The following CLPTM1L variants were observed in gnomAD, a reference collection of about 807,000 sequenced individuals.
CLPTM1L encodes CLPTM1 like.
In CLPTM1L, 38 loss-of-function variants were observed where a neutral mutation model predicts 70.9. That is an observed-to-expected ratio of 0.54 (90% CI 0.41 to 0.70). CLPTM1L has a LOEUF of 0.70. Among genes scored for constraint, CLPTM1L ranks in the 30% least tolerant of loss-of-function variants. The probability of loss-of-function intolerance (pLI) is 0.00; values close to 1 mark genes in which losing one functional copy is unlikely to be tolerated. For missense variants in CLPTM1L, 652 were observed against 705.9 expected (o/e 0.92, Z 0.87); for synonymous variants, 339 against 299.9 (o/e 1.13, Z -1.35).
chr5:1,325,532 G>C (rs912383508), intron 10 of CLPTM1L: 3 of 563,784 alleles, frequency 5.3e-6, no homozygotes, highest in African/African-American at 3.7e-5. Context: ...AAGTGCTGCC[G>C]TCTGCACTGA....
At chr5:1,332,149 A>G (rs375668607) in intron 7 of CLPTM1L, 14 of 473,482 alleles carry the variant, frequency 3.0e-5, no homozygotes, top group African/African-American at 1.9e-4. Flanking sequence ...CCCCCAGGCA[A>G]TTGGAGGCTC....
At position 1,342,054 on chromosome 5, in the gene CLPTM1L, G is replaced by GCGCA. The variant is rs1323339413; in HGVS notation, c.264-195_264-194insTGCG. Among the ~76,000 whole-genome samples, 511 of 149,682 alleles carry GCGCA rather than the reference G, an allele frequency of 3.4e-3. 3 individuals carry two copies. The highest frequency in any genetic ancestry group is 0.012 in the African/African-American group (496 of 40,980). On this transcript the variant is annotated intron_variant, in intron 2 of 16. Coordinates refer to ENST00000320895, the MANE Select transcript of CLPTM1L (RefSeq NM_030782.5). The surrounding 1 kb of genome is among the most constrained non-coding windows in gnomAD (Gnocchi z 4.3). ...TGTGTGTGTGTGCACGCGCACGCGTGCGCGTCCTGAGAACTCGGCACAGGT... is the reference window on the plus strand; with the variant it reads ...TGTGTGTGTGTGCACGCGCACGCGTGCGCACGCGTCCTGAGAACTCGGCACAGGT...
At chr5:1,343,189 CA>C (rs751176297) in intron 2 of CLPTM1L, among the ~76,000 whole-genome samples, 4,147 of 137,664 alleles carry the variant, frequency 0.03, 66 homozygotes, top group Non-Finnish European at 0.039. Flanking sequence ...GACTCTATCT[CA>C]AAAAAAAAAA....
intron 10 of CLPTM1L, 104 bp downstream of exon 10, chr5:1,325,647 C>T: frequency 1.1e-6 from 1 of 897,588 alleles, no homozygotes; most frequent in Non-Finnish European, 1.8e-6. Flanking sequence ...CTGACAGAGG[C>T]CCGCAGTGAC....
rs769044531 is a variant in CLPTM1L, at chr5:1,334,296, G to A, written c.884C>T (p.Ala295Val). 2.0e-5 allele frequency: 33 copies of A among 1,613,154 alleles called. No homozygotes were observed. The South Asian group carries it at 2.6e-4, about 13-fold the overall frequency. ...YFLALTFFVA[A>V]FHLLFDFLAF... ...CCCCGGTGGATGACTCACATGGAAC[G>A]CTGCGACAAAGAAGGTCAGCGCCAG... is the stretch of plus-strand genomic sequence containing the variant. Residue 295 changes from alanine (A) to valine (V), a missense_variant, in exon 7 of 17, where the codon GCG (alanine) becomes GTG (valine). Ala to Val is a moderately conservative substitution (Grantham distance 64, BLOSUM62 0). Around this residue, in one of 3 missense-constraint regions of CLPTM1L, gnomAD observed 402 missense variants for 388.2 expected, o/e 1.04. Transcript: ENST00000320895.
chr5:1,338,976 A>T lies in CLPTM1L; in HGVS notation c.483T>A (p.Ser161Arg). Reference protein sequence around the residue: ...QQIEAEKKPTSALDEPVSHWR... With the variant: ...QQIEAEKKPTRALDEPVSHWR... Reference sequence around the variant, plus strand: ...AGTGGGACACTGGCTCATCCAGGGCACTCGTCGGCTTCTTCTCCGCCTCGA... The same window carrying T: ...AGTGGGACACTGGCTCATCCAGGGCTCTCGTCGGCTTCTTCTCCGCCTCGA... The change falls in exon 4 of 17, where the codon AGT (serine) becomes AGA (arginine). Residue 161 changes from serine to arginine, a missense_variant. By Grantham distance (110) the Ser-to-Arg change is moderately radical (BLOSUM62 -1). Around this residue, in one of 3 missense-constraint regions of CLPTM1L, gnomAD observed 402 missense variants for 388.2 expected, o/e 1.04. Coordinates refer to ENST00000320895, the MANE Select transcript of CLPTM1L (RefSeq NM_030782.5). 6.2e-7 allele frequency: 1 copy of T among 1,613,218 alleles called. No homozygotes were observed. The highest frequency in any genetic ancestry group is 8.5e-7 in the Non-Finnish European group (1 of 1,179,924).
intron 10 of CLPTM1L, 102 bp downstream of exon 10, chr5:1,325,649 C>T (rs907373035): frequency 7.6e-6 from 7 of 920,126 alleles, no homozygotes; most frequent in Admixed American, 1.9e-5. Flanking sequence ...GACAGAGGCC[C>T]GCAGTGACTC....
At chr5:1,341,565 AAC>A in intron 3 of CLPTM1L, 104 bp downstream of exon 3, 1 of 994,104 alleles carries the variant, frequency 1.0e-6, no homozygotes, top group East Asian at 2.5e-5. Context: ...CTTTACTCCC[AAC>A]AAAGTCACTG....
At chr5:1,344,054 C>T (rs1044207530) in intron 2 of CLPTM1L, among the ~76,000 whole-genome samples, 1 of 152,230 alleles carries the variant, frequency 6.6e-6, no homozygotes, top group Non-Finnish European at 1.5e-5. Context: ...TGTCTGCTCT[C>T]CACTGGTTCA....
At position 1,323,273 on chromosome 5, in the gene CLPTM1L, T is replaced by C. The variant is rs533191409; in HGVS notation, c.1281-362A>G. On this transcript the variant is annotated intron_variant, in intron 12 of 16. Coordinates refer to ENST00000320895, the MANE Select transcript of CLPTM1L (RefSeq NM_030782.5). The stretch of plus-strand genomic sequence containing the variant: ...CTCAGCTCAGGGCCAGCACCCCACC[T>C]GGGCAGCAGAGGCTGGAGGCTCCGG... Among the ~76,000 whole-genome samples the C allele has an allele frequency of 1.0e-2, 1,412 of 141,640 alleles. 27 individuals carry two copies. The highest frequency in any genetic ancestry group is 0.014 in the Non-Finnish European group (912 of 65,734). 92.9% of individuals were successfully genotyped at this position (141,640 alleles called of 152,430 possible). A position where few individuals can be genotyped will look rare whatever the true frequency, so the allele number is the denominator to read the frequency against.
chr5:1,337,964 G>C lies in CLPTM1L; in HGVS notation c.618C>G (p.Thr206=), dbSNP rs201283849. The change falls in exon 5 of 17, where the codon ACC becomes ACG. Residue 206 remains threonine, a synonymous_variant. Coordinates refer to ENST00000320895, the MANE Select transcript of CLPTM1L (RefSeq NM_030782.5). The part of the protein sequence containing the change: ...RYMKMIQLGK[T]VHYLPILFID... ...TGAACAGGATGGGCAGGTAATGCAC[G>C]GTTTTCCCCAGCTGGATCCTGGGAT... 1.0e-5 allele frequency: 16 copies of C among 1,607,068 alleles called. No homozygotes were observed. The highest frequency in any genetic ancestry group is 1.4e-5 in the Non-Finnish European group (16 of 1,177,854).
Position 1,342,434 on chromosome 5 carries a change from C to T in CLPTM1L, c.264-574G>A, listed in dbSNP as rs1474976663. ...AGTCCTGACTGTGTGGCATCCAGCA[C>T]GAGCTGAGGAAAGGCCCGGCGAGCT... On this transcript the variant is annotated intron_variant, in intron 2 of 16. Transcript: ENST00000320895. This position sits in a 1 kb window ranked among gnomAD's most constrained non-coding sequence, Gnocchi z 4.3. 1.3e-5 allele frequency among the ~76,000 whole-genome samples: 2 copies of T among 152,164 alleles called. No homozygotes were observed. The highest frequency in any genetic ancestry group is 4.8e-5 in the African/African-American group (2 of 41,418).
Position 1,323,787 on chromosome 5 carries a change from CTCTTA to C in CLPTM1L, c.1275_1279del (p.Tyr425Ter). The C allele has an allele frequency of 1.9e-6, 3 of 1,611,650 alleles. No homozygotes were observed. Among genetic ancestry groups the C allele is most frequent in the South Asian group, 1.1e-5 (1 of 91,034 alleles). ...AGGGGAAGCGTGTGCGGCCTCCTAC[CTCTTA>C]TATTTGATATTCAGGAGTGAATAGA... On this transcript the variant is annotated stop_gained and frameshift_variant and splice_region_variant, in exon 12 of 17. Transcript: ENST00000320895. LOFTEE classifies it high-confidence loss of function.
chr5:1,331,564 C>A (rs943276924), intron 8 of CLPTM1L: 3 of 400,968 alleles, frequency 7.5e-6, no homozygotes, highest in Non-Finnish European at 1.3e-5. Flanking sequence ...CAGCCAGGCC[C>A]TGAGCTGTGC....
intron 7 of CLPTM1L, among the ~76,000 whole-genome samples, chr5:1,333,831 G>A (rs185751586): frequency 2.6e-4 from 39 of 151,584 alleles, no homozygotes; most frequent in African/African-American, 9.0e-4. Flanking sequence ...ATACACACAG[G>A]ACTGACTTTT....
intron 1 of CLPTM1L, 111 bp downstream of exon 1, chr5:1,344,569 T>C (rs1754156063): frequency 2.1e-6 from 3 of 1,459,210 alleles, no homozygotes; most frequent in Non-Finnish European, 2.8e-6. Flanking sequence ...AAAGGTTCCA[T>C]CTCGACTCGC....
At chr5:1,326,054 C>T (rs1304162986) in intron 9 of CLPTM1L, 2 of 536,534 alleles carry the variant, frequency 3.7e-6, no homozygotes, top group African/African-American at 1.9e-5. Context: ...CAGCGGACAA[C>T]AAAAACAGCA....
In CLPTM1L at chr5:1,323,843, C is replaced by G. The variant is rs779329573; in HGVS notation, c.1224G>C (p.Leu408=). ...CAGCACCCCCGACACAGAGAGGGTA[C>G]AGCAGGTATGACAAGTACTTCATGG... ...TQAMKYLSYL[L]YPLCVGGAVY... Residue 408 remains leucine (L), a synonymous_variant, in exon 12 of 17, where the codon CTG becomes CTC. Coordinates refer to ENST00000320895, the MANE Select transcript of CLPTM1L (RefSeq NM_030782.5). The G allele has an allele frequency of 6.2e-7, 1 of 1,613,700 alleles. No homozygotes were observed. Among genetic ancestry groups the G allele is most frequent in the African/African-American group, 1.3e-5 (1 of 74,934 alleles).
chr5:1,335,387 C>T, intron 5 of CLPTM1L, among the ~76,000 whole-genome samples: 1 of 152,370 alleles, frequency 6.6e-6, no homozygotes, highest in South Asian at 2.1e-4. Context: ...GGTTCCCACC[C>T]CCACCAGGAC....
Sources: allele counts gnomAD v4.1 joint callset (sites outside exome capture counted in the v4.1 genomes callset), GRCh38; gene constraint gnomAD v4.1.1; regional missense constraint gnomAD v4.1.1; non-coding constraint Gnocchi (gnomAD v3.1); transcripts MANE v1.5; gene names NCBI Gene and HGNC (gene_info 2026-07-23, HGNC 2026-07-21).